The following SLC41A2 variants were observed in gnomAD, a reference collection of about 807,000 sequenced individuals.
SLC41A2 encodes SLC41A1-like 1.
Under a neutral mutation model 58.3 loss-of-function variants are expected in SLC41A2, and 32 were observed. The ratio of observed to expected loss-of-function variants is 0.55; its 90% CI spans 0.41 to 0.74. The LOEUF is 0.74. Among genes scored for constraint, SLC41A2 ranks in the 30% least tolerant of loss-of-function variants. The probability of loss-of-function intolerance (pLI) is 0.00; values close to 1 mark genes in which losing one functional copy is unlikely to be tolerated. For synonymous variants in SLC41A2, 190 were observed against 235.0 expected (o/e 0.81, Z 1.75); for missense variants, 514 against 680.6 (o/e 0.76, Z 2.72).
At chr12:104,840,455 C>T (rs1194484568) in intron 10 of SLC41A2, among the ~76,000 whole-genome samples, 1 of 152,196 alleles carries the variant, frequency 6.6e-6, no homozygotes, top group East Asian at 1.9e-4. Context: ...TAAATGCTGA[C>T]TGATGGTATA....
intron 10 of SLC41A2, among the ~76,000 whole-genome samples, chr12:104,843,214 T>C (rs898207362): frequency 6.6e-6 from 1 of 151,978 alleles, no homozygotes; most frequent in Non-Finnish European, 1.5e-5. Context: ...TTTTTTCGTA[T>C]AGTGGCCTTC....
intron 6 of SLC41A2, among the ~76,000 whole-genome samples, chr12:104,878,500 C>T (rs2044179215): frequency 2.0e-5 from 3 of 149,554 alleles, no homozygotes; most frequent in Admixed American, 6.7e-5. Flanking sequence ...GTGTGATGTT[C>T]TCCACCCTGT....
chr12:104,850,584 G>T lies in SLC41A2; in HGVS notation c.1256-4610C>A, dbSNP rs530433079. Among the ~76,000 whole-genome samples, 8 of 152,272 alleles carry T rather than the reference G, an allele frequency of 5.3e-5. No individual in the cohort carries two copies. In the South Asian group the frequency reaches 1.7e-3, roughly 32 times the overall value. Reference sequence around the variant, plus strand: ...CAGAAAAAATGTAAGTACAGAAACAGGAAAAGCATGAGCTTCCCCCCTTCT... The same window carrying T: ...CAGAAAAAATGTAAGTACAGAAACATGAAAAGCATGAGCTTCCCCCCTTCT... On this transcript the variant is annotated intron_variant, in intron 8 of 10. Coordinates refer to ENST00000258538, the MANE Select transcript of SLC41A2 (RefSeq NM_001352171.3).
intron 9 of SLC41A2, among the ~76,000 whole-genome samples, chr12:104,845,162 C>T (rs540792344): frequency 1.3e-5 from 2 of 151,968 alleles, no homozygotes; most frequent in Non-Finnish European, 2.9e-5. Flanking sequence ...CAAAGTGGCT[C>T]GTGCCTGTAG....
chr12:104,850,066 C>T (rs551296808), intron 8 of SLC41A2, among the ~76,000 whole-genome samples: 1 of 152,186 alleles, frequency 6.6e-6, no homozygotes, highest in East Asian at 1.9e-4. Flanking sequence ...AATTAGAGAA[C>T]AATTGCAACA....
In SLC41A2 at chr12:104,876,751, C is replaced by T. The variant is rs924046750; in HGVS notation, c.1027+9542G>A. ...GTGCACTTGAAAAGAATGTGTATTC[C>T]GCTGCTGTTGGATGGAATGTTTTGT... On this transcript the variant is annotated intron_variant, in intron 6 of 10. Transcript: ENST00000258538. Among the ~76,000 whole-genome samples the T allele has an allele frequency of 9.2e-5, 14 of 152,108 alleles. No individual in the cohort carries two copies. The South Asian group carries it at 1.5e-3, about 16-fold the overall frequency.
At chr12:104,884,263 T>C (rs1027974444) in intron 6 of SLC41A2, among the ~76,000 whole-genome samples, 2 of 152,186 alleles carry the variant, frequency 1.3e-5, no homozygotes, top group African/African-American at 4.8e-5. Flanking sequence ...TTCCCTTGGC[T>C]AGGAAAGGTA....
At position 104,844,583 on chromosome 12, in the gene SLC41A2, TA is replaced by T; in HGVS notation, c.1424del (p.Leu475Ter). ...NNKSAQVLLLLVIPGHLIFLY... is the reference protein window; with the variant it reads ...NNKSAQVLLLXVIPGHLIFLY... Reference sequence around the variant, plus strand: ...GGAAAATTAAATGTCCAGGAATCACTAAAAGCAGTAGAACTTGAGCAGACTT... The same window carrying T: ...GGAAAATTAAATGTCCAGGAATCACTAAAGCAGTAGAACTTGAGCAGACTT... On this transcript the variant is annotated frameshift_variant, in exon 10 of 11. Coordinates refer to ENST00000258538, the MANE Select transcript of SLC41A2 (RefSeq NM_001352171.3). LOFTEE classifies it high-confidence loss of function. The T allele has an allele frequency of 6.4e-7, 1 of 1,564,496 alleles. No individual in the cohort carries two copies. The highest frequency in any genetic ancestry group is 8.6e-7 in the Non-Finnish European group (1 of 1,156,362).
At chr12:104,886,050 G>A (rs2044642063) in intron 6 of SLC41A2, among the ~76,000 whole-genome samples, 1 of 151,846 alleles carries the variant, frequency 6.6e-6, no homozygotes, top group Non-Finnish European at 1.5e-5. Flanking sequence ...TATGATCCTT[G>A]CTTTTCTCAT....
At chr12:104,912,494 T>C (rs1309290804) in intron 2 of SLC41A2, among the ~76,000 whole-genome samples, 2 of 152,172 alleles carry the variant, frequency 1.3e-5, no homozygotes, top group Non-Finnish European at 2.9e-5. Context: ...TTGGAGAGTT[T>C]CCACACAGCT....
At chr12:104,816,862 G>T (rs200077923) in intron 10 of SLC41A2, among the ~76,000 whole-genome samples, 2 of 152,108 alleles carry the variant, frequency 1.3e-5, no homozygotes, top group South Asian at 2.1e-4. Flanking sequence ...CCCCCCTCCC[G>T]CAAGGATACC....
rs141792617 is a variant in SLC41A2 at position 104,840,735 on chromosome 12, T to C, written c.1536+3737A>G. ...ACCACATTTGATAGCTTCCTTCTAATTGCAAGACACATAACAAATACCACC... is the reference window on the plus strand; with the variant it reads ...ACCACATTTGATAGCTTCCTTCTAACTGCAAGACACATAACAAATACCACC... On this transcript the variant is annotated intron_variant, in intron 10 of 10. Transcript: ENST00000258538. Among the ~76,000 whole-genome samples, 288 of 152,296 alleles carry C rather than the reference T, an allele frequency of 1.9e-3. 2 individuals are homozygous for C. The highest frequency in any genetic ancestry group is 6.1e-3 in the African/African-American group (252 of 41,578).
At position 104,805,765 on chromosome 12, in the gene SLC41A2, C is replaced by T. The variant is rs557447294; in HGVS notation, c.1537-428G>A. Among the ~76,000 whole-genome samples, 4 of 152,192 alleles carry T rather than the reference C, an allele frequency of 2.6e-5. No individual in the cohort carries two copies. The South Asian group carries it at 8.3e-4, about 32-fold the overall frequency. Reference sequence around the variant, plus strand: ...AAATAAAGATGGAAAACTGACCATTCGTTTACTAATTATAAGGCCATTTTT... The same window carrying T: ...AAATAAAGATGGAAAACTGACCATTTGTTTACTAATTATAAGGCCATTTTT... On this transcript the variant is annotated intron_variant, in intron 10 of 10. Transcript: ENST00000258538.
chr12:104,865,209 A>G (rs950495102), intron 7 of SLC41A2, among the ~76,000 whole-genome samples: 2 of 152,226 alleles, frequency 1.3e-5, no homozygotes, highest in Non-Finnish European at 2.9e-5. Flanking sequence ...TCAGCATTAT[A>G]CAAAGAAAAG....
rs1256707817 is a variant in SLC41A2 at position 104,846,273 on chromosome 12, T to C, written c.1256-299A>G. 6.6e-5 allele frequency among the ~76,000 whole-genome samples: 10 copies of C among 152,344 alleles called. No individual in the cohort carries two copies. The South Asian group carries it at 8.3e-4, about 13-fold the overall frequency. On this transcript the variant is annotated intron_variant, in intron 8 of 10. Transcript: ENST00000258538. ...TAAAATTAGGTACCAAGATCCTTCA[T>C]GTTTATCACCTTAATGACAGGGAAG...
chr12:104,870,203 A>G (rs1001459826), intron 6 of SLC41A2, among the ~76,000 whole-genome samples: 9 of 152,196 alleles, frequency 5.9e-5, no homozygotes, highest in Non-Finnish European at 1.3e-4. Context: ...GCAGAAGAGA[A>G]GAAAGCAATG....
intron 8 of SLC41A2, among the ~76,000 whole-genome samples, chr12:104,855,570 TTG>T (rs1298051698): frequency 6.6e-6 from 1 of 152,256 alleles, no homozygotes; most frequent in Admixed American, 6.5e-5. Context: ...TCCATTTTTA[TTG>T]TTAATAACAT....
Position 104,855,270 on chromosome 12 carries a change from C to CA in SLC41A2, c.1255+6020dup, listed in dbSNP as rs758014153. On this transcript the variant is annotated intron_variant, in intron 8 of 10. Transcript: ENST00000258538. ...ATGTAAGTTACAAAGACTTACACTA[C>CA]AAAAAAACACCCATGTACCCACCAC... Among the ~76,000 whole-genome samples, 340 of 152,166 alleles carry CA rather than the reference C, an allele frequency of 2.2e-3. 4 individuals are homozygous for CA. Among genetic ancestry groups the CA allele is most frequent in the Non-Finnish European group, 1.4e-3 (94 of 68,006 alleles).
chr12:104,940,266 C>T (rs1359360240), intron 1 of SLC41A2, among the ~76,000 whole-genome samples: 1 of 151,918 alleles, frequency 6.6e-6, no homozygotes, highest in East Asian at 1.9e-4. Flanking sequence ...CCTGCCTCAG[C>T]TTCCCAAAGT....
Sources: allele counts gnomAD v4.1 joint callset (sites outside exome capture counted in the v4.1 genomes callset), GRCh38; gene constraint gnomAD v4.1.1; transcripts MANE v1.5; gene names NCBI Gene and HGNC (gene_info 2026-07-23, HGNC 2026-07-21).